The following ZC4H2 variants were observed in gnomAD, a reference collection of about 807,000 sequenced individuals.
The protein encoded by ZC4H2 is zinc finger C4H2 domain-containing protein.
For synonymous variants in ZC4H2, 84 were observed against 66.3 expected (o/e 1.27, Z -1.30); for missense variants, 137 against 173.9 (o/e 0.79, Z 1.19).
intron 1 of ZC4H2, among the ~76,000 whole-genome samples, chrX:64,981,980 C>A (rs1033777035): frequency 5.4e-5 from 6 of 111,390 alleles, no homozygotes; most frequent in Non-Finnish European, 7.5e-5. Context: ...TTCTTTCTCA[C>A]CTACCCAATG....
rs1241477824 is a variant in ZC4H2 at position 64,917,854 on chromosome X, T to C, written c.604A>G (p.Ile202Val). 1.7e-6 allele frequency: 2 copies of C among 1,208,956 alleles called. No homozygotes were observed. The highest frequency in any genetic ancestry group is 2.2e-6 in the Non-Finnish European group (2 of 894,877). Residue 202 changes from isoleucine (I) to valine (V), a missense_variant, in exon 5 of 5, where the codon ATA becomes GTA. Physicochemically the swap from Ile to Val is conservative, Grantham distance 29. Coordinates refer to ENST00000374839, the MANE Select transcript of ZC4H2 (RefSeq NM_018684.4). ...CHQQIHRNAP[I>V]CPLCKAKSRS... ...CTCTTGGCCTTGCAAAGAGGGCATA[T>C]AGGTGCATTCCGGTGAATTTGCTGG...
At chrX:64,978,745 A>AAT (rs766042038), upstream of ZC4H2, among the ~76,000 whole-genome samples, 8 of 109,814 alleles carry the variant, frequency 7.3e-5, no homozygotes, top group Admixed American at 1.9e-4. Context: ...GGAAAAAAAA[A>AAT]ATATATATAT....
At chrX:65,023,258 T>G (rs954355483) in intron 1 of ZC4H2, among the ~76,000 whole-genome samples, 2 of 111,977 alleles carry the variant, frequency 1.8e-5, no homozygotes, top group African/African-American at 6.5e-5. Flanking sequence ...GATTTTGGGC[T>G]GAGATGATGG....
intron 1 of ZC4H2, among the ~76,000 whole-genome samples, chrX:64,994,692 G>C (rs1473079292): frequency 9.0e-6 from 1 of 111,259 alleles, no homozygotes; most frequent in African/African-American, 3.3e-5. Context: ...CAACATTGTG[G>C]TGTTAAAGCA....
At chrX:64,946,702 A>G (rs972983457) in intron 1 of ZC4H2, among the ~76,000 whole-genome samples, 1 of 111,773 alleles carries the variant, frequency 8.9e-6, no homozygotes, top group African/African-American at 3.3e-5. Context: ...AAATAGATAG[A>G]TAGATTCTTA....
At chrX:65,009,372 A>AT (rs1932722028) in intron 1 of ZC4H2, among the ~76,000 whole-genome samples, 1 of 110,856 alleles carries the variant, frequency 9.0e-6, no homozygotes, top group Non-Finnish European at 1.9e-5. Flanking sequence ...CAAGCCTTCA[A>AT]TAGACTCCAG....
chrX:64,941,098 G>A (rs964078864), intron 1 of ZC4H2, among the ~76,000 whole-genome samples: 1 of 111,568 alleles, frequency 9.0e-6, no homozygotes, highest in South Asian at 3.8e-4. Context: ...TCTCCTTGAA[G>A]CAGTCCTTCA....
At chrX:64,961,269 A>G (rs1352044151) in intron 1 of ZC4H2, among the ~76,000 whole-genome samples, 1 of 111,357 alleles carries the variant, frequency 9.0e-6, no homozygotes, top group Non-Finnish European at 1.9e-5. Flanking sequence ...CAATTTGCTG[A>G]TACTGTTTAT....
upstream of ZC4H2, chrX:64,976,522 C>T (rs1393396214): frequency 1.6e-6 from 1 of 609,866 alleles, no homozygotes; most frequent in Non-Finnish European, 2.6e-6. Flanking sequence ...AGCTGTAGTC[C>T]GGAGCTTCAG....
At chrX:64,951,714 G>A (rs1930847018) in intron 1 of ZC4H2, among the ~76,000 whole-genome samples, 1 of 110,777 alleles carries the variant, frequency 9.0e-6, no homozygotes, top group Non-Finnish European at 1.9e-5. Flanking sequence ...TTTGTCAGAT[G>A]AGTAGGTTGC....
intron 1 of ZC4H2, among the ~76,000 whole-genome samples, chrX:64,937,341 G>A (rs1469283777): frequency 3.6e-5 from 4 of 111,068 alleles, no homozygotes; most frequent in Non-Finnish European, 7.5e-5. Flanking sequence ...AATAGTGGGA[G>A]ACTTTAACAC....
chrX:64,919,253 C>A, intron 3 of ZC4H2, 49 bp from the exon 4 acceptor site: 1 of 1,188,837 alleles, frequency 8.4e-7, no homozygotes, highest in East Asian at 3.0e-5. Context: ...GCAATGAGAA[C>A]CTTGCTCCTC....
chrX:64,975,188 G>A (rs1482266513), intron 1 of ZC4H2, among the ~76,000 whole-genome samples: 1 of 109,773 alleles, frequency 9.1e-6, no homozygotes. Context: ...GACTCTTGCT[G>A]AATGAGCAAA....
Position 64,922,677 on chromosome X carries a change from C to T in ZC4H2, c.54-689G>A, listed in dbSNP as rs190239003. 3.1e-3 allele frequency among the ~76,000 whole-genome samples: 345 copies of T among 112,208 alleles called. 1 individual carries two copies. Among genetic ancestry groups the T allele is most frequent in the Non-Finnish European group, 5.5e-3 (294 of 53,271 alleles). On this transcript the variant is annotated intron_variant, in intron 1 of 4. Coordinates refer to ENST00000374839, the MANE Select transcript of ZC4H2 (RefSeq NM_018684.4). ...CCACCCAAGAAACCAAAAATGATCTCTTGAGAAACTCTAAGTAAGCACTGT... is the reference window on the plus strand; with the variant it reads ...CCACCCAAGAAACCAAAAATGATCTTTTGAGAAACTCTAAGTAAGCACTGT...
At chrX:64,978,355 C>T (rs767045387), upstream of ZC4H2, among the ~76,000 whole-genome samples, 11 of 112,039 alleles carry the variant, frequency 9.8e-5, no homozygotes, top group Non-Finnish European at 2.1e-4. Flanking sequence ...TCTACATTTT[C>T]CTATTGTCTT....
intron 1 of ZC4H2, among the ~76,000 whole-genome samples, chrX:64,983,933 G>C (rs1312104530): frequency 9.0e-6 from 1 of 111,442 alleles, no homozygotes; most frequent in East Asian, 2.8e-4. Flanking sequence ...TAACCTCCTT[G>C]TTTTCTTTGT....
At chrX:64,944,343 C>T (rs1444417211) in intron 1 of ZC4H2, among the ~76,000 whole-genome samples, 4 of 108,729 alleles carry the variant, frequency 3.7e-5, no homozygotes, top group Admixed American at 9.9e-5. Flanking sequence ...CGGGGTTTCA[C>T]CATGTTAGCC....
intron 1 of ZC4H2, among the ~76,000 whole-genome samples, chrX:64,922,486 G>A (rs914597559): frequency 9.0e-5 from 10 of 111,098 alleles, no homozygotes; most frequent in Non-Finnish European, 1.3e-4. Flanking sequence ...AGCTCAGTGG[G>A]TCTCGAATGG....
chrX:65,014,721 T>C (rs752827789), intron 1 of ZC4H2, among the ~76,000 whole-genome samples: 12 of 112,127 alleles, frequency 1.1e-4, no homozygotes, highest in Non-Finnish European at 2.1e-4. Flanking sequence ...GTGTGTAGTG[T>C]AGTGCTCAAC....
Sources: gnomAD v4.1 joint callset for allele counts (sites outside exome capture counted in the v4.1 genomes callset) on GRCh38, gnomAD v4.1.1 for gene constraint, MANE v1.5 for transcripts, NCBI Gene and HGNC (gene_info 2026-07-23, HGNC 2026-07-21) for gene names.